Variants in PRDM5 observed in about 807,000 individuals in gnomAD.
The protein encoded by PRDM5 is PR domain zinc finger protein 5.
In PRDM5, 56 loss-of-function variants were observed where a neutral mutation model predicts 81.2. That is an observed-to-expected ratio of 0.69 (90% CI 0.56 to 0.86). The LOEUF (loss-of-function observed/expected upper bound fraction) is 0.86, where lower values mean the gene tolerates loss of function less well. PRDM5 is among the 40% of genes least tolerant of loss of function. The pLI, the probability that PRDM5 is intolerant of heterozygous loss-of-function variation, is 0.00. For synonymous variants in PRDM5, 267 were observed against 256.4 expected (o/e 1.04, Z -0.39); for missense variants, 697 against 770.1 (o/e 0.91, Z 1.12).
intron 1 of PRDM5, among the ~76,000 whole-genome samples, chr4:120,922,297 G>T (rs1016961465): frequency 1.3e-5 from 2 of 152,072 alleles, no homozygotes; most frequent in South Asian, 4.1e-4. Flanking sequence ...GCACCCCGCC[G>T]CCACCTACGT....
chr4:120,769,069 A>G (rs998255831), intron 13 of PRDM5, among the ~76,000 whole-genome samples: 2 of 152,192 alleles, frequency 1.3e-5, no homozygotes, highest in Non-Finnish European at 2.9e-5. Flanking sequence ...TATGTGAAAA[A>G]ATAATTTTAT....
intron 1 of PRDM5, among the ~76,000 whole-genome samples, chr4:120,914,812 C>T (rs28611188): frequency 0.049 from 7,536 of 152,266 alleles, 204 homozygotes; most frequent in African/African-American, 0.068. Flanking sequence ...CAATGTAATA[C>T]TATTCAGCCA....
intron 3 of PRDM5, among the ~76,000 whole-genome samples, chr4:120,824,042 C>T (rs373685451): frequency 6.6e-6 from 1 of 152,142 alleles, no homozygotes; most frequent in African/African-American, 2.4e-5. Context: ...GTAGAAGGAG[C>T]CTGAAGCCAT....
At chr4:120,712,540 G>C (rs954751171) in intron 14 of PRDM5, among the ~76,000 whole-genome samples, 1 of 152,026 alleles carries the variant, frequency 6.6e-6, no homozygotes, top group African/African-American at 2.4e-5. Context: ...CATCTCCTCA[G>C]GGATGACAGC....
At chr4:120,701,980 A>C (rs572142269) in intron 15 of PRDM5, among the ~76,000 whole-genome samples, 2 of 152,322 alleles carry the variant, frequency 1.3e-5, no homozygotes, top group Admixed American at 1.3e-4. Flanking sequence ...GAGGTGGTAC[A>C]ACTTCCCCTC....
At chr4:120,712,127 A>G (rs770354109) in intron 14 of PRDM5, among the ~76,000 whole-genome samples, 6 of 151,916 alleles carry the variant, frequency 3.9e-5, no homozygotes, top group Non-Finnish European at 7.4e-5. Context: ...CTCTACTAAA[A>G]ATACAAAAGT....
chr4:120,769,653 A>G (rs560852211), intron 13 of PRDM5, among the ~76,000 whole-genome samples: 3 of 152,310 alleles, frequency 2.0e-5, no homozygotes, highest in Admixed American at 1.3e-4. Context: ...ATACTTTCCA[A>G]TGCATTTCAA....
chr4:120,872,285 G>A (rs1026923039), intron 2 of PRDM5, among the ~76,000 whole-genome samples: 19 of 151,782 alleles, frequency 1.3e-4, no homozygotes, highest in African/African-American at 4.4e-4. Context: ...TAACCAAGAG[G>A]GAGAAGCAAC....
intron 14 of PRDM5, among the ~76,000 whole-genome samples, chr4:120,751,013 C>A (rs1743924512): frequency 6.6e-6 from 1 of 151,982 alleles, no homozygotes; most frequent in African/African-American, 2.4e-5. Flanking sequence ...AAATTTGAAA[C>A]TGAAATGTGT....
chr4:120,863,189 TATACACAC>T (rs1301229913), intron 2 of PRDM5, among the ~76,000 whole-genome samples: 1 of 37,350 alleles, frequency 2.7e-5, no homozygotes, highest in Non-Finnish European at 7.1e-5. Context: ...TATATATATA[TATACACAC>T]ACACACACAC....
intron 14 of PRDM5, among the ~76,000 whole-genome samples, chr4:120,750,783 C>T (rs1010700090): frequency 5.9e-5 from 9 of 151,890 alleles, no homozygotes; most frequent in African/African-American, 1.9e-4. Flanking sequence ...CTCCTGCAAC[C>T]TTCCCACTCA....
At chr4:120,782,639 G>C (rs746485497) in intron 11 of PRDM5, among the ~76,000 whole-genome samples, 1 of 151,964 alleles carries the variant, frequency 6.6e-6, no homozygotes, top group Non-Finnish European at 1.5e-5. Context: ...TTGGTTTTTT[G>C]TGTGTTTTTG....
intron 14 of PRDM5, among the ~76,000 whole-genome samples, chr4:120,751,475 A>G (rs1016396180): frequency 6.6e-6 from 1 of 152,212 alleles, no homozygotes; most frequent in Non-Finnish European, 1.5e-5. Context: ...ATAAGAAGAC[A>G]GAAAGAAAGG....
In PRDM5 at chr4:120,854,675, A is replaced by G. The variant is rs528617982; in HGVS notation, c.178-1135T>C. On this transcript the variant is annotated intron_variant, in intron 2 of 15. Transcript: ENST00000264808. Reference sequence around the variant, plus strand: ...GCACATGGAACTTAAAAGTAAACAAATGTAGAATATAATTTCGTGTAAAGA... The same window carrying G: ...GCACATGGAACTTAAAAGTAAACAAGTGTAGAATATAATTTCGTGTAAAGA... Among the ~76,000 whole-genome samples, 4 of 152,252 alleles carry G rather than the reference A, an allele frequency of 2.6e-5. No individual in the cohort carries two copies. The South Asian group carries it at 8.3e-4, about 32-fold the overall frequency.
chr4:120,701,181 T>A (rs867106709), intron 15 of PRDM5, among the ~76,000 whole-genome samples: 24 of 149,548 alleles, frequency 1.6e-4, no homozygotes, highest in Admixed American at 7.3e-4. Context: ...AAACAACAGA[T>A]GCTGGTGAGG....
At position 120,796,790 on chromosome 4, in the gene PRDM5, A is replaced by G. The variant is rs188341597; in HGVS notation, c.1188+1477T>C. ...GGTATCATAATTTTTAAATGATTTC[A>G]AAAGAGATAAAATGAAGTCTTTGGA... On this transcript the variant is annotated intron_variant, in intron 10 of 15. Coordinates refer to ENST00000264808, the MANE Select transcript of PRDM5 (RefSeq NM_018699.4). Among the ~76,000 whole-genome samples, 55 of 152,298 alleles carry G rather than the reference A, an allele frequency of 3.6e-4. 1 individual carries two copies. Among genetic ancestry groups the G allele is most frequent in the Non-Finnish European group, 7.4e-4 (50 of 68,018 alleles).
In PRDM5 at chr4:120,794,403, C is replaced by A. The variant is rs529188444; in HGVS notation, c.1188+3864G>T. 2.8e-4 allele frequency among the ~76,000 whole-genome samples: 43 copies of A among 151,872 alleles called. 2 individuals are homozygous for A. The South Asian group carries it at 8.9e-3, about 32-fold the overall frequency. ...TTCTAATCCATGATATTTTTAGAAA[C>A]TTGTTACTGTCTTTAAGGTCTAATA... On this transcript the variant is annotated intron_variant, in intron 10 of 15. Transcript: ENST00000264808.
intron 2 of PRDM5, among the ~76,000 whole-genome samples, chr4:120,888,855 T>C (rs906463210): frequency 6.6e-6 from 1 of 152,256 alleles, no homozygotes; most frequent in African/African-American, 2.4e-5. Context: ...AAGTTAAATA[T>C]CTTTTCATGT....
chr4:120,688,773 G>T (rs532293615), downstream of PRDM5, among the ~76,000 whole-genome samples: 179 of 152,118 alleles, frequency 1.2e-3, no homozygotes, highest in African/African-American at 4.0e-3. Context: ...AGATCATTTA[G>T]CTGTATACAT....
Sources: gnomAD v4.1 joint callset for allele counts (sites outside exome capture counted in the v4.1 genomes callset) on GRCh38, gnomAD v4.1.1 for gene constraint, MANE v1.5 for transcripts, NCBI Gene and HGNC (gene_info 2026-07-23, HGNC 2026-07-21) for gene names.